The following RBFOX1 variants were observed in gnomAD, a reference collection of about 807,000 sequenced individuals.
RBFOX1 encodes RNA binding fox-1 homolog 1.
A neutral mutation model predicts 57.7 loss-of-function variants in RBFOX1; 8 were observed. The ratio of observed to expected loss-of-function variants is 0.14; its 90% CI spans 0.08 to 0.25. The LOEUF (loss-of-function observed/expected upper bound fraction) is 0.25. Among genes scored for constraint, RBFOX1 ranks in the 10% least tolerant of loss-of-function variants. RBFOX1 has a pLI of 1.00. For synonymous variants in RBFOX1, 326 were observed against 222.4 expected (o/e 1.47, Z -4.15); for missense variants, 611 against 548.5 (o/e 1.11, Z -1.14).
chr16:5,563,860 G>A (rs930865682), intron 2 of RBFOX1, among the ~76,000 whole-genome samples: 1 of 152,084 alleles, frequency 6.6e-6, no homozygotes. Context: ...ATCTCTAGCT[G>A]TTGGTAACCA....
chr16:5,649,790 T>G (rs2049172505), intron 3 of RBFOX1, among the ~76,000 whole-genome samples: 1 of 152,250 alleles, frequency 6.6e-6, no homozygotes, highest in Non-Finnish European at 1.5e-5. Flanking sequence ...CAACTGCTTG[T>G]GTTGACAACA....
At chr16:5,621,904 C>T (rs1231994669) in intron 3 of RBFOX1, among the ~76,000 whole-genome samples, 1 of 152,204 alleles carries the variant, frequency 6.6e-6, no homozygotes, top group Non-Finnish European at 1.5e-5. Context: ...ACCAGGAAAA[C>T]ATCTTTCAGT....
intron 3 of RBFOX1, among the ~76,000 whole-genome samples, chr16:7,026,821 C>A (rs577742850): frequency 6.6e-6 from 1 of 152,324 alleles, no homozygotes; most frequent in South Asian, 2.1e-4. Flanking sequence ...TTACACATGG[C>A]ACCTGCTGAT....
At chr16:6,845,507 T>G (rs2093707102) in intron 3 of RBFOX1, among the ~76,000 whole-genome samples, 1 of 152,214 alleles carries the variant, frequency 6.6e-6, no homozygotes. Flanking sequence ...CAGTCTTATT[T>G]CTGAGTTCTG....
At chr16:6,269,011 C>A (rs1215360691) in intron 1 of RBFOX1, among the ~76,000 whole-genome samples, 1 of 152,132 alleles carries the variant, frequency 6.6e-6, no homozygotes, top group Non-Finnish European at 1.5e-5. Context: ...TCACTTCAAG[C>A]ATTTATCATT....
intron 4 of RBFOX1, among the ~76,000 whole-genome samples, chr16:7,060,708 A>G (rs188467580): frequency 4.1e-4 from 63 of 152,270 alleles, no homozygotes; most frequent in African/African-American, 1.4e-3. Context: ...GGGACTCCCC[A>G]AGGAGGGTGA....
At chr16:5,655,536 TC>T (rs1360159240) in intron 3 of RBFOX1, among the ~76,000 whole-genome samples, 2 of 152,192 alleles carry the variant, frequency 1.3e-5, no homozygotes, top group Non-Finnish European at 2.9e-5. Flanking sequence ...TTAAATTCCT[TC>T]CCAGAATTTT....
intron 1 of RBFOX1, among the ~76,000 whole-genome samples, chr16:6,108,288 T>C (rs554181929): frequency 6.6e-6 from 1 of 152,142 alleles, no homozygotes; most frequent in South Asian, 2.1e-4. Context: ...GGCCCCGGAA[T>C]CAGCTTTCTG....
At chr16:7,630,773 C>T in intron 11 of RBFOX1, 90 bp downstream of exon 11, 2 of 1,551,678 alleles carry the variant, frequency 1.3e-6, no homozygotes, top group Non-Finnish European at 1.7e-6. Context: ...CCCCCTCCCT[C>T]TGCCCCACCC....
intron 1 of RBFOX1, among the ~76,000 whole-genome samples, chr16:5,393,611 A>T (rs1362051317): frequency 6.6e-6 from 1 of 152,154 alleles, no homozygotes; most frequent in Non-Finnish European, 1.5e-5. Flanking sequence ...TTGGGATGAC[A>T]TTCTGCTGTG....
At chr16:5,567,201 C>T (rs1323063840) in intron 2 of RBFOX1, among the ~76,000 whole-genome samples, 1 of 152,084 alleles carries the variant, frequency 6.6e-6, no homozygotes, top group Non-Finnish European at 1.5e-5. Flanking sequence ...TAGCTGTATC[C>T]CACAGCCCAT....
chr16:5,352,278 A>T (rs182574859), intron 1 of RBFOX1, among the ~76,000 whole-genome samples: 6 of 152,194 alleles, frequency 3.9e-5, no homozygotes, highest in Non-Finnish European at 8.8e-5. Flanking sequence ...TTGTCCCCCA[A>T]GCTGAGCAGC....
At chr16:6,303,805 CTTTTTTTTTTTTT>C (rs1177185329) in intron 1 of RBFOX1, among the ~76,000 whole-genome samples, 2 of 70,404 alleles carry the variant, frequency 2.8e-5, no homozygotes, top group Non-Finnish European at 2.5e-5. Flanking sequence ...GAAACCCTGT[CTTTTTTTTTTTTT>C]TTTTTTTTTT....
chr16:5,619,986 TAA>T (rs35481033), intron 3 of RBFOX1, among the ~76,000 whole-genome samples: 22 of 140,500 alleles, frequency 1.6e-4, no homozygotes, highest in Non-Finnish European at 1.2e-4. Context: ...TAGGATGCAT[TAA>T]AAAAAAAAAA....
Position 7,429,302 on chromosome 16 carries a change from C to A in RBFOX1, c.28-88845C>A, listed in dbSNP as rs1239866472. On this transcript the variant is annotated intron_variant, in intron 4 of 15. Coordinates refer to ENST00000550418, the MANE Select transcript of RBFOX1 (RefSeq NM_018723.4). ...TCCTCCTGCTGAAGCACTCAGGGAT[C>A]TCAAGGACTTGGCACAAGCCATCCT... Among the ~76,000 whole-genome samples the A allele has an allele frequency of 2.0e-5, 3 of 152,322 alleles. No individual in the cohort carries two copies. In the East Asian group the frequency reaches 5.8e-4, roughly 29 times the overall value.
At chr16:6,828,480 C>T (rs1451790919) in intron 3 of RBFOX1, among the ~76,000 whole-genome samples, 9 of 151,662 alleles carry the variant, frequency 5.9e-5, no homozygotes, top group African/African-American at 1.9e-4. Flanking sequence ...GTCGACATCA[C>T]GCCATTGCAC....
At chr16:7,058,696 A>C (rs1407851977) in intron 4 of RBFOX1, among the ~76,000 whole-genome samples, 5 of 152,164 alleles carry the variant, frequency 3.3e-5, no homozygotes, top group African/African-American at 9.7e-5. Flanking sequence ...AAAGGTTCTT[A>C]ATTATTGTTG....
intron 3 of RBFOX1, among the ~76,000 whole-genome samples, chr16:6,684,428 G>A (rs1248309837): frequency 6.6e-6 from 1 of 152,226 alleles, no homozygotes; most frequent in African/African-American, 2.4e-5. Flanking sequence ...TCATAGGAGA[G>A]GGAATATCAA....
At chr16:7,692,294 G>A (rs973769744) in intron 14 of RBFOX1, among the ~76,000 whole-genome samples, 1 of 152,122 alleles carries the variant, frequency 6.6e-6, no homozygotes, top group Admixed American at 6.6e-5. Context: ...AACTGAATGT[G>A]AAATTCTAGG....
Sources: allele counts gnomAD v4.1 joint callset (sites outside exome capture counted in the v4.1 genomes callset), GRCh38; gene constraint gnomAD v4.1.1; transcripts MANE v1.5; gene names NCBI Gene and HGNC (gene_info 2026-07-23, HGNC 2026-07-21).